Variants in SECISBP2 observed in about 807,000 individuals in gnomAD.
SECISBP2 encodes SECIS binding protein 2.
In SECISBP2, 96 loss-of-function variants were observed where a neutral mutation model predicts 98.2. The observed-to-expected ratio is 0.98, with a 90% confidence interval of 0.83 to 1.16. The LOEUF (loss-of-function observed/expected upper bound fraction) is 1.16. SECISBP2 is among the 50% of genes most tolerant of loss of function. The probability of loss-of-function intolerance (pLI) is 0.00; values close to 1 mark genes in which losing one functional copy is unlikely to be tolerated. For missense variants in SECISBP2, 1,046 were observed against 1,022.9 expected, an observed-to-expected ratio of 1.02 and a Z score of -0.31; for synonymous variants, 407 against 370.2, an observed-to-expected ratio of 1.10 and a Z score of -1.14.
chr9:89,332,938 G>T lies in SECISBP2; in HGVS notation c.832G>T (p.Glu278Ter), dbSNP rs1297212262. 1 of 1,613,822 alleles carries T rather than the reference G, an allele frequency of 6.2e-7. No individual in the cohort carries two copies. The highest frequency in any genetic ancestry group is 1.7e-5 in the Admixed American group (1 of 60,006). The change falls in exon 6 of 17, where the codon GAA (glutamate) becomes TAA (stop). Residue 278 changes from glutamate to a stop codon, truncating the protein, a stop_gained. Coordinates refer to ENST00000375807, the MANE Select transcript of SECISBP2 (RefSeq NM_024077.5). LOFTEE classifies it high-confidence loss of function. ...GEIVVKNNPNESVTANAATNS... is the reference protein window; with the variant it reads ...GEIVVKNNPN ...AATAGTGGTGAAAAATAACCCAAAT[G>T]AATCTGTAACTGCTAATGCCGCTAC...
intron 2 of SECISBP2, chr9:89,322,486 A>T (rs1825979492): frequency 6.6e-6 from 1 of 152,246 alleles, no homozygotes; most frequent in African/African-American, 2.4e-5. Context: ...TATTTTGCAC[A>T]TGGGAAACTG....
chr9:89,346,132 T>G (rs1202028538), intron 10 of SECISBP2, among the ~76,000 whole-genome samples: 1 of 152,164 alleles, frequency 6.6e-6, no homozygotes, highest in African/African-American at 2.4e-5. Context: ...ACACAGGGGG[T>G]TTGTTTACCA....
intron 10 of SECISBP2, among the ~76,000 whole-genome samples, chr9:89,345,491 G>A (rs77412733): frequency 0.066 from 10,010 of 152,258 alleles, 464 homozygotes; most frequent in Middle Eastern, 0.12. Context: ...TAAGGAGTAA[G>A]CACTCTTCGG....
At chr9:89,363,769 C>A (rs555149600), downstream of SECISBP2, 3 of 1,613,530 alleles carry the variant, frequency 1.9e-6, no homozygotes, top group Non-Finnish European at 2.5e-6. Context: ...CCTGCACCTT[C>A]GAAGTCTTGT....
chr9:89,323,854 G>T (rs1826220946), intron 2 of SECISBP2: 1 of 152,204 alleles, frequency 6.6e-6, no homozygotes, highest in Admixed American at 6.5e-5. Context: ...GAGGAGGAAG[G>T]ACCAGTGAGG....
intron 4 of SECISBP2, 127 bp downstream of exon 4, chr9:89,326,165 T>C (rs1826670012): frequency 8.6e-7 from 1 of 1,157,344 alleles, no homozygotes; most frequent in Admixed American, 1.8e-5. Context: ...GAGACCTGGG[T>C]CTGACACAGC....
At chr9:89,338,983 T>C (rs1355872626) in intron 8 of SECISBP2, among the ~76,000 whole-genome samples, 1 of 151,936 alleles carries the variant, frequency 6.6e-6, no homozygotes, top group Non-Finnish European at 1.5e-5. Context: ...TAGAGAGAAA[T>C]GTAGAATAGT....
intron 8 of SECISBP2, among the ~76,000 whole-genome samples, chr9:89,338,867 T>G (rs1344252091): frequency 6.6e-6 from 1 of 151,104 alleles, no homozygotes; most frequent in African/African-American, 2.4e-5. Flanking sequence ...ATATTTCCCC[T>G]CAGTTATCTT....
At chr9:89,318,853 C>A in intron 1 of SECISBP2, 1 of 1,265,642 alleles carries the variant, frequency 7.9e-7, no homozygotes, top group Non-Finnish European at 9.9e-7. Flanking sequence ...GCGATGTCAC[C>A]CAGCGCAGTG....
At chr9:89,351,252 G>A (rs1407142792) in intron 14 of SECISBP2, among the ~76,000 whole-genome samples, 3 of 152,222 alleles carry the variant, frequency 2.0e-5, no homozygotes, top group African/African-American at 7.2e-5. Context: ...TGTTCAGTCT[G>A]TGGTTGACTC....
At chr9:89,335,943 G>A (rs1280307695) in intron 7 of SECISBP2, among the ~76,000 whole-genome samples, 1 of 152,076 alleles carries the variant, frequency 6.6e-6, no homozygotes, top group Non-Finnish European at 1.5e-5. Context: ...CAGTACAAGA[G>A]TACTAGTAGC....
chr9:89,345,546 G>C (rs908417870), intron 10 of SECISBP2, among the ~76,000 whole-genome samples: 1 of 152,216 alleles, frequency 6.6e-6, no homozygotes, highest in Admixed American at 6.5e-5. Flanking sequence ...TGATATGACT[G>C]TGTTTGGCAG....
At position 89,328,741 on chromosome 9, in the gene SECISBP2, C is replaced by T. The variant is rs759987487; in HGVS notation, c.656C>T (p.Thr219Ile). 2 of 1,614,156 alleles carry T rather than the reference C, an allele frequency of 1.2e-6. No homozygotes were observed. Among genetic ancestry groups the T allele is most frequent in the Non-Finnish European group, 8.5e-7 (1 of 1,180,016 alleles). The change falls in exon 5 of 17, where the codon ACC becomes ATC. Residue 219 changes from threonine (T) to isoleucine (I), a missense_variant. Transcript: ENST00000375807. ...VSTSKPEFEF[T>I]TLDFPELQGA... ...ACCTCCAAACCTGAGTTTGAATTTA[C>T]CACACTGGACTTTCCTGAACTGCAA...
At chr9:89,329,885 A>G (rs1269606223) in intron 5 of SECISBP2, 1 of 152,210 alleles carries the variant, frequency 6.6e-6, no homozygotes, top group Non-Finnish European at 1.5e-5. Context: ...ACATGCTGAT[A>G]GCACTTTTTC....
intron 4 of SECISBP2, among the ~76,000 whole-genome samples, chr9:89,327,342 A>G (rs953556323): frequency 6.6e-6 from 1 of 152,200 alleles, no homozygotes; most frequent in African/African-American, 2.4e-5. Context: ...CTTAGGCTAC[A>G]TGAAATTTAT....
intron 2 of SECISBP2, among the ~76,000 whole-genome samples, chr9:89,320,609 C>T (rs544166328): frequency 1.3e-5 from 2 of 152,196 alleles, no homozygotes; most frequent in African/African-American, 4.8e-5. Context: ...CACCTTTTTA[C>T]TTTATATCTG....
At chr9:89,362,244 T>C (rs1832813488), downstream of SECISBP2, 13 of 1,271,352 alleles carry the variant, frequency 1.0e-5, no homozygotes, top group Non-Finnish European at 1.5e-5. Flanking sequence ...GTCCCGCCTC[T>C]GCCCATCAGG....
At chr9:89,355,669 G>A (rs1412319828) in intron 14 of SECISBP2, 1 of 548,592 alleles carries the variant, frequency 1.8e-6, no homozygotes, top group Non-Finnish European at 2.3e-6. Context: ...TCTAGGTATT[G>A]TGTTATTTCT....
At chr9:89,325,395 A>G in intron 2 of SECISBP2, 32 bp from the exon 3 acceptor site, 13 of 1,607,092 alleles carry the variant, frequency 8.1e-6, no homozygotes, top group Non-Finnish European at 1.1e-5. Flanking sequence ...GCAGTATGAA[A>G]TCTGCAACTA....
Sources: gnomAD v4.1 joint callset for allele counts (sites outside exome capture counted in the v4.1 genomes callset) on GRCh38, gnomAD v4.1.1 for gene constraint, MANE v1.5 for transcripts, NCBI Gene and HGNC (gene_info 2026-07-23, HGNC 2026-07-21) for gene names.